The following HMCN1 variants were observed in gnomAD, a reference collection of about 807,000 sequenced individuals.
HMCN1 encodes the protein hemicentin-1.
HMCN1 carries 321 observed loss-of-function variants against 625.9 expected under a neutral mutation model. The ratio of observed to expected loss-of-function variants is 0.51; its 90% CI spans 0.47 to 0.56. HMCN1 has a LOEUF of 0.56. Among genes scored for constraint, HMCN1 ranks in the 20% least tolerant of loss-of-function variants. The pLI is 0.00. For synonymous variants in HMCN1, 2,425 were observed against 2,417.6 expected (o/e 1.00, Z -0.09); for missense variants, 6,588 against 6,887.3 (o/e 0.96, Z 1.54).
intron 42 of HMCN1, among the ~76,000 whole-genome samples, chr1:186,049,566 T>C (rs1656811816): frequency 6.6e-6 from 1 of 151,958 alleles, no homozygotes; most frequent in South Asian, 2.1e-4. Flanking sequence ...GCTGTGGCTA[T>C]CAGCTAAAAA....
intron 11 of HMCN1, among the ~76,000 whole-genome samples, chr1:185,940,954 G>T (rs1028671158): frequency 6.6e-6 from 1 of 152,080 alleles, no homozygotes; most frequent in African/African-American, 2.4e-5. Context: ...TAGAGACGGG[G>T]TTTCTCCATG....
At chr1:186,181,940 A>G (rs1652959975) in intron 104 of HMCN1, among the ~76,000 whole-genome samples, 1 of 152,180 alleles carries the variant, frequency 6.6e-6, no homozygotes, top group Non-Finnish European at 1.5e-5. Context: ...TACACAAAGA[A>G]ATGTCCATAA....
At position 185,990,381 on chromosome 1, in the gene HMCN1, C is replaced by T. The variant is rs780130108; in HGVS notation, c.3315C>T (p.Ser1105=). The T allele has an allele frequency of 6.2e-7, 1 of 1,613,898 alleles. No individual in the cohort carries two copies. The highest frequency in any genetic ancestry group is 1.1e-5 in the South Asian group (1 of 91,072). The change falls in exon 22 of 107, where the codon AGC becomes AGT. Residue 1105 remains serine, a synonymous_variant. Transcript: ENST00000271588. ...TAACACTTCCATGTGAAGTGAAGAG[C>T]TTACCTCCACCCATAATTACTTGGG... ...EEVTLPCEVK[S]LPPPIITWAK...
At chr1:185,857,541 C>A (rs1662547154) in intron 2 of HMCN1, among the ~76,000 whole-genome samples, 1 of 151,542 alleles carries the variant, frequency 6.6e-6, no homozygotes, top group South Asian at 2.1e-4. Flanking sequence ...TTGGTTTTAT[C>A]ATGTTGATTA....
Position 185,970,388 on chromosome 1 carries a change from C to G in HMCN1, c.2266C>G (p.Leu756Val). 6.2e-7 allele frequency: 1 copy of G among 1,613,636 alleles called. No homozygotes were observed. The highest frequency in any genetic ancestry group is 1.1e-5 in the South Asian group (1 of 91,072). Residue 756 changes from leucine to valine, a missense_variant, in exon 15 of 107, where the codon CTT becomes GTT. Leu to Val is a conservative substitution (Grantham distance 32). Coordinates refer to ENST00000271588, the MANE Select transcript of HMCN1 (RefSeq NM_031935.3). ...CCTCATTATTGACCCTCTCTTGGGA[C>G]TTTTGAAGATTCAAGAAACACAAGA... ...TFLIIDPLLG[L>V]LKIQETQDLD...
chr1:186,181,178 A>G (rs1013115302), intron 104 of HMCN1, among the ~76,000 whole-genome samples: 1 of 152,120 alleles, frequency 6.6e-6, no homozygotes, highest in Admixed American at 6.6e-5. Flanking sequence ...TTTTAAAGGA[A>G]AGAAGTAAAA....
intron 97 of HMCN1, among the ~76,000 whole-genome samples, chr1:186,160,621 T>G (rs1651393395): frequency 6.6e-6 from 1 of 152,140 alleles, no homozygotes; most frequent in Admixed American, 6.5e-5. Context: ...TTATGTTGTG[T>G]CTTTGTTTTC....
chr1:186,036,296 A>G (rs1394538791), intron 36 of HMCN1, among the ~76,000 whole-genome samples: 1 of 152,128 alleles, frequency 6.6e-6, no homozygotes, highest in Admixed American at 6.5e-5. Flanking sequence ...GCAATTTAGA[A>G]AAGAAAGAGG....
Position 186,070,606 on chromosome 1 carries a change from A to G in HMCN1, c.7994-6A>G. The G allele has an allele frequency of 3.1e-6, 5 of 1,609,234 alleles. No individual in the cohort carries two copies. Among genetic ancestry groups the G allele is most frequent in the East Asian group, 2.2e-5 (1 of 44,820 alleles). ...TGTCTAACTCTTTAATATTTATTTT[A>G]TGCAGTTCCACCCATAATCAATAAA... is the stretch of plus-strand genomic sequence containing the variant. On this transcript the variant is annotated splice_polypyrimidine_tract_variant and splice_region_variant and intron_variant, in intron 51 of 106. Coordinates refer to ENST00000271588, the MANE Select transcript of HMCN1 (RefSeq NM_031935.3).
At chr1:186,116,957 A>C in intron 75 of HMCN1, 37 bp from the exon 76 acceptor site, 1 of 1,609,584 alleles carries the variant, frequency 6.2e-7, no homozygotes, top group Admixed American at 1.7e-5. Flanking sequence ...ATGAAAACCT[A>C]CATATAGTAT....
intron 1 of HMCN1, among the ~76,000 whole-genome samples, chr1:185,770,108 C>G (rs988946144): frequency 1.3e-5 from 2 of 152,054 alleles, no homozygotes; most frequent in African/African-American, 2.4e-5. Context: ...GAAGTGAGTT[C>G]TAGTACATTT....
intron 18 of HMCN1, 89 bp from the exon 19 acceptor site, chr1:185,984,080 A>C: frequency 1.0e-6 from 1 of 973,374 alleles, no homozygotes; most frequent in Non-Finnish European, 1.6e-6. Context: ...TTAGTAACCC[A>C]GTTGGGAAAA....
intron 11 of HMCN1, among the ~76,000 whole-genome samples, chr1:185,945,838 T>G (rs1007111528): frequency 3.3e-5 from 5 of 152,218 alleles, no homozygotes; most frequent in African/African-American, 1.2e-4. Flanking sequence ...GATGTGATTT[T>G]CTTTTCACTC....
intron 36 of HMCN1, among the ~76,000 whole-genome samples, chr1:186,034,805 C>T (rs191112277): frequency 6.6e-6 from 1 of 152,112 alleles, no homozygotes; most frequent in Non-Finnish European, 1.5e-5. Flanking sequence ...TTCCCAAGTT[C>T]TGAAAAGGTT....
At chr1:185,969,022 G>A (rs1394845881) in intron 14 of HMCN1, among the ~76,000 whole-genome samples, 1 of 152,132 alleles carries the variant, frequency 6.6e-6, no homozygotes, top group East Asian at 1.9e-4. Flanking sequence ...TAGCAAAAAA[G>A]TCTTTATTTT....
chr1:186,139,889 C>T (rs1017934587), intron 89 of HMCN1, among the ~76,000 whole-genome samples: 11 of 152,038 alleles, frequency 7.2e-5, no homozygotes, highest in African/African-American at 2.2e-4. Flanking sequence ...GCAAAATCGG[C>T]AGCCAGCCTA....
chr1:186,003,092 C>T (rs921597567), intron 28 of HMCN1, among the ~76,000 whole-genome samples: 2 of 152,052 alleles, frequency 1.3e-5, no homozygotes, highest in African/African-American at 4.8e-5. Flanking sequence ...ACATCCCACT[C>T]CTCCCCTACT....
intron 14 of HMCN1, among the ~76,000 whole-genome samples, chr1:185,967,584 T>A (rs1354630699): frequency 6.6e-6 from 1 of 152,052 alleles, no homozygotes; most frequent in Non-Finnish European, 1.5e-5. Context: ...CCTCCCAAGT[T>A]ACAGGCAGAC....
chr1:186,127,732 T>C (rs2102508736), intron 82 of HMCN1, among the ~76,000 whole-genome samples: 1 of 152,270 alleles, frequency 6.6e-6, no homozygotes. Flanking sequence ...GAGAGCCAAT[T>C]ATGCTGTCAA....
Sources: allele counts gnomAD v4.1 joint callset (sites outside exome capture counted in the v4.1 genomes callset), GRCh38; gene constraint gnomAD v4.1.1; transcripts MANE v1.5; gene names NCBI Gene and HGNC (gene_info 2026-07-23, HGNC 2026-07-21).